LPL: variants seen among roughly 807,000 people sequenced by gnomAD.
The protein encoded by LPL is phospholipase A1.
In LPL, 43 loss-of-function variants were observed where a neutral mutation model predicts 52.2. The observed-to-expected ratio is 0.82, with a 90% CI of 0.64 to 1.06. The LOEUF (loss-of-function observed/expected upper bound fraction) is 1.06. LPL is among the 50% of genes least tolerant of loss of function. The pLI, the probability that LPL is intolerant of heterozygous loss-of-function variation, is 0.00. For synonymous variants in LPL, 244 were observed against 215.6 expected (o/e 1.13, Z -1.15); for missense variants, 639 against 585.3 (o/e 1.09, Z -0.95).
intron 9 of LPL, among the ~76,000 whole-genome samples, chr8:19,963,134 T>G (rs1217578412): frequency 1.3e-5 from 2 of 152,246 alleles, no homozygotes; most frequent in African/African-American, 4.8e-5. Flanking sequence ...TTTCCTAGTT[T>G]GCATTTGGGA....
rs765911510 is a variant in LPL, at chr8:19,939,980, C to A, written c.88+452C>A. Among the ~76,000 whole-genome samples the A allele has an allele frequency of 1.3e-5, 2 of 152,192 alleles. No individual in the cohort carries two copies. Among genetic ancestry groups the A allele is most frequent in the Non-Finnish European group, 2.9e-5 (2 of 68,036 alleles). On this transcript the variant is annotated intron_variant, in intron 1 of 9. Coordinates refer to ENST00000650287, the MANE Select transcript of LPL (RefSeq NM_000237.3). The surrounding 1 kb of genome is among the most constrained non-coding windows in gnomAD (Gnocchi z 4.0). ...GCCTTGGTTGGCACTGCGGCTCAGC[C>A]CCCGCCCGGGGACTCGCGGGCCGAC...
chr8:19,956,157 G>T (rs2075651), intron 6 of LPL, 74 bp downstream of exon 6: 1 of 1,593,606 alleles, frequency 6.3e-7, no homozygotes, highest in South Asian at 1.1e-5. Context: ...CACATGTACT[G>T]ATTCTGTCCA....
rs1042970493 is a variant in LPL at position 19,944,353 on chromosome 8, G to A, written c.89-3827G>A. 2.7e-5 allele frequency among the ~76,000 whole-genome samples: 4 copies of A among 150,924 alleles called. No homozygotes were observed. Among genetic ancestry groups the A allele is most frequent in the African/African-American group, 7.3e-5 (3 of 40,990 alleles). On this transcript the variant is annotated intron_variant, in intron 1 of 9. Coordinates refer to ENST00000650287, the MANE Select transcript of LPL (RefSeq NM_000237.3). The surrounding 1 kb of genome is among the most constrained non-coding windows in gnomAD (Gnocchi z 4.2). ...ACATCAGTAATTCACTTTGTTCTTC[G>A]ATATCCTACAGACACTGCCTGAGTC...
At chr8:19,958,180 A>C (rs1427061899) in intron 6 of LPL, among the ~76,000 whole-genome samples, 1 of 151,848 alleles carries the variant, frequency 6.6e-6, no homozygotes, top group Non-Finnish European at 1.5e-5. Flanking sequence ...CACCACGCCC[A>C]ACTAATTTCT....
intron 7 of LPL, among the ~76,000 whole-genome samples, chr8:19,959,588 T>C (rs1236786381): frequency 1.3e-5 from 2 of 152,062 alleles, no homozygotes; most frequent in Admixed American, 1.3e-4. Flanking sequence ...CTAGTTATAT[T>C]TTTTTATTTA....
rs547496810 is a variant in LPL at position 19,939,791 on chromosome 8, G to A, written c.88+263G>A. Among the ~76,000 whole-genome samples the A allele has an allele frequency of 6.6e-6, 1 of 152,330 alleles. No individual in the cohort carries two copies. The highest frequency in any genetic ancestry group is 1.9e-4 in the East Asian group (1 of 5,162). Reference sequence around the variant, plus strand: ...TTCCCGCGCTATCCCTTCCACTCTGGCTGGGACCGCGTTCCCGGGCTCGCA... The same window carrying A: ...TTCCCGCGCTATCCCTTCCACTCTGACTGGGACCGCGTTCCCGGGCTCGCA... On this transcript the variant is annotated intron_variant, in intron 1 of 9. Coordinates refer to ENST00000650287, the MANE Select transcript of LPL (RefSeq NM_000237.3). The surrounding 1 kb of genome is among the most constrained non-coding windows in gnomAD (Gnocchi z 4.0).
chr8:19,941,256 T>A (rs773724886), intron 1 of LPL, among the ~76,000 whole-genome samples: 1 of 152,264 alleles, frequency 6.6e-6, no homozygotes. Context: ...TTTCCCTTCG[T>A]ACTGCTTAAT....
At chr8:19,955,745 T>A in intron 5 of LPL, 96 bp from the exon 6 acceptor site, 1 of 1,488,042 alleles carries the variant, frequency 6.7e-7, no homozygotes, top group Non-Finnish European at 9.4e-7. Flanking sequence ...GTGATTCTAC[T>A]CTAACACCAC....
chr8:19,956,161 C>A lies in LPL; in HGVS notation c.1018+78C>A. The stretch of plus-strand genomic sequence containing the variant: ...GCTCACTGCATCACATGTACTGATT[C>A]TGTCCATTGGAACAGAGATGATGAC... On this transcript the variant is annotated intron_variant, in intron 6 of 9. Transcript: ENST00000650287. 3 of 1,588,474 alleles carry A rather than the reference C, an allele frequency of 1.9e-6. No individual in the cohort carries two copies. In the South Asian group the frequency reaches 3.3e-5, roughly 18 times the overall value.
rs374067507 is a variant in LPL, at chr8:19,948,202, C to G, written c.111C>G (p.Ile37Met). ...CAGAAAGAAGAGATTTTATCGACAT[C>G]GAAAGTAAATTTGCCCTAAGGACCC... ...AADQRRDFIDIESKFALRTPE... is the reference protein window; with the variant it reads ...AADQRRDFIDMESKFALRTPE... Residue 37 changes from isoleucine (I) to methionine (M), a missense_variant, in exon 2 of 10, where the codon ATC (isoleucine) becomes ATG (methionine). Coordinates refer to ENST00000650287, the MANE Select transcript of LPL (RefSeq NM_000237.3). 3 of 1,614,108 alleles carry G rather than the reference C, an allele frequency of 1.9e-6. No individual in the cohort carries two copies. The highest frequency in any genetic ancestry group is 2.5e-6 in the Non-Finnish European group (3 of 1,180,012).
In LPL at chr8:19,965,533, T is replaced by C. The variant is rs1015524635; in HGVS notation, c.*223T>C. ...TGGGGTATAGTGGCCAAATAGCACATCCTCCAACGTTAAAAGACAGTGGAT... is the reference window on the plus strand; with the variant it reads ...TGGGGTATAGTGGCCAAATAGCACACCCTCCAACGTTAAAAGACAGTGGAT... On this transcript the variant is annotated 3_prime_UTR_variant, in exon 10 of 10. Coordinates refer to ENST00000650287, the MANE Select transcript of LPL (RefSeq NM_000237.3). 2 of 540,250 alleles carry C rather than the reference T, an allele frequency of 3.7e-6. No homozygotes were observed. Among genetic ancestry groups the C allele is most frequent in the Non-Finnish European group, 6.6e-6 (2 of 303,654 alleles). 33.5% of individuals were successfully genotyped at this position (540,250 alleles called of 1,614,324 possible).
intron 1 of LPL, among the ~76,000 whole-genome samples, chr8:19,941,853 A>G (rs536152808): frequency 1.3e-5 from 2 of 152,230 alleles, no homozygotes; most frequent in Non-Finnish European, 2.9e-5. Flanking sequence ...TATGAGGACA[A>G]GAGGCACTGT....
At chr8:19,959,714 AG>A (rs2070020061) in intron 7 of LPL, among the ~76,000 whole-genome samples, 1 of 150,768 alleles carries the variant, frequency 6.6e-6, no homozygotes, top group Non-Finnish European at 1.5e-5. Flanking sequence ...ACCACTCTAT[AG>A]ATGTACATAT....
chr8:19,958,691 C>T (rs980848140), intron 6 of LPL, among the ~76,000 whole-genome samples: 9 of 152,002 alleles, frequency 5.9e-5, no homozygotes, highest in African/African-American at 1.2e-4. Context: ...GAAAAATCAA[C>T]GAAATAAGTT....
rs191877057 is a variant in LPL at position 19,956,207 on chromosome 8, C to A, written c.1018+124C>A. On this transcript the variant is annotated intron_variant, in intron 6 of 9. Coordinates refer to ENST00000650287, the MANE Select transcript of LPL (RefSeq NM_000237.3). ...ATGACTGGTGTTACTAAACCCTGAG[C>A]CCTGGTGTTTCTGTTGATAGGGGGT... The A allele has an allele frequency of 2.6e-5, 36 of 1,386,884 alleles. No individual in the cohort carries two copies. The Admixed American group carries it at 5.9e-4, about 23-fold the overall frequency. The allele number at this position is 1,386,884 out of a possible 1,614,324, so 85.9% of individuals were successfully genotyped here. A position where few individuals can be genotyped will look rare whatever the true frequency, so the allele number is the denominator to read the frequency against.
chr8:19,949,534 G>A (rs900850629), intron 2 of LPL, among the ~76,000 whole-genome samples: 8 of 152,156 alleles, frequency 5.3e-5, no homozygotes, highest in Non-Finnish European at 7.3e-5. Context: ...CCAGGCTGGA[G>A]TGCAGTGGCG....
intron 1 of LPL, among the ~76,000 whole-genome samples, chr8:19,940,505 G>C (rs1054668819): frequency 6.6e-5 from 10 of 152,240 alleles, no homozygotes; most frequent in Non-Finnish European, 1.5e-4. Flanking sequence ...GGGGCCAAAT[G>C]AGAATGTCTC....
chr8:19,960,383 C>G (rs530070582), intron 7 of LPL, among the ~76,000 whole-genome samples: 20 of 152,268 alleles, frequency 1.3e-4, no homozygotes, highest in African/African-American at 3.6e-4. Flanking sequence ...CGTACCTATA[C>G]TAGCATAAAT....
intron 2 of LPL, chr8:19,951,556 C>T (rs941902113): frequency 3.1e-6 from 2 of 639,130 alleles, no homozygotes; most frequent in African/African-American, 1.8e-5. Context: ...TGCCGTTCCT[C>T]AACTCAACTC....
Sources: gnomAD v4.1 joint callset for allele counts (sites outside exome capture counted in the v4.1 genomes callset) on GRCh38, gnomAD v4.1.1 for gene constraint, Gnocchi (gnomAD v3.1) non-coding constraint, MANE v1.5 for transcripts, NCBI Gene and HGNC (gene_info 2026-07-23, HGNC 2026-07-21) for gene names.